Variants in POTEC observed in about 807,000 individuals in gnomAD.
The protein encoded by POTEC is ANKRD26-like family B member 2.
Under a neutral mutation model 62.0 loss-of-function variants are expected in POTEC, and 35 were observed. That is an observed-to-expected ratio of 0.56 (90% CI 0.43 to 0.75). The LOEUF (loss-of-function observed/expected upper bound fraction) is 0.75. Among genes scored for constraint, POTEC ranks in the 30% least tolerant of loss-of-function variants. The probability of loss-of-function intolerance (pLI) is 0.00; values close to 1 mark genes in which losing one functional copy is unlikely to be tolerated. For missense variants in POTEC, 472 were observed against 655.9 expected (o/e 0.72, Z 3.06); for synonymous variants, 156 against 221.5 (o/e 0.70, Z 2.62).
intron 6 of POTEC, among the ~76,000 whole-genome samples, chr18:14,526,628 G>A (rs1321682958): frequency 1.3e-5 from 2 of 152,016 alleles, no homozygotes; most frequent in Non-Finnish European, 2.9e-5. Flanking sequence ...GAGCAGGAGC[G>A]AGGCCTGAAA....
At position 14,511,191 on chromosome 18, in the gene POTEC, T is replaced by C. The variant is rs1909996616; in HGVS notation, c.*707A>G. 1 of 152,448 alleles carries C rather than the reference T, an allele frequency of 6.6e-6. No homozygotes were observed. Among genetic ancestry groups the C allele is most frequent in the Non-Finnish European group, 1.5e-5 (1 of 68,832 alleles). The allele number at this position is 152,448 out of a possible 1,614,324, so 9.4% of individuals were successfully genotyped here. On this transcript the variant is annotated 3_prime_UTR_variant, in exon 11 of 11. Coordinates refer to ENST00000358970, the MANE Select transcript of POTEC (RefSeq NM_001137671.2). ...AACTCTGTCCCAGGAAGGTTTCAAA[T>C]CTCCATTGGCCAGGGAACACTGGTG...
intron 10 of POTEC, among the ~76,000 whole-genome samples, chr18:14,512,366 A>C (rs1007205035): frequency 9.2e-5 from 14 of 152,244 alleles, no homozygotes; most frequent in Non-Finnish European, 1.6e-4. Context: ...TAAGAGCCTT[A>C]GCTATGCGTA....
Position 14,538,132 on chromosome 18 carries a change from T to C in POTEC, c.636+3A>G. The C allele has an allele frequency of 6.2e-7, 1 of 1,605,736 alleles. No homozygotes were observed. The highest frequency in any genetic ancestry group is 8.5e-7 in the Non-Finnish European group (1 of 1,176,136). On this transcript the variant is annotated splice_donor_region_variant and intron_variant, in intron 2 of 10. Transcript: ENST00000358970. ...CACGCTGATATAGTTGACTACTGCA[T>C]ACCTTTATCAGAGCTGTCCTTTTTT... is the stretch of plus-strand genomic sequence containing the variant.
At chr18:14,530,654 A>G (rs1009480064) in intron 5 of POTEC, 101 bp from the exon 6 acceptor site, 65 of 965,650 alleles carry the variant, frequency 6.7e-5, no homozygotes, top group Middle Eastern at 3.7e-4. Flanking sequence ...CAATATCATA[A>G]TATCAGAATT....
chr18:14,538,090 T>C (rs1905809102), intron 2 of POTEC, 45 bp downstream of exon 2: 2 of 1,485,288 alleles, frequency 1.3e-6, no homozygotes, highest in South Asian at 1.4e-5. Context: ...TGCTATCTAT[T>C]GAAATCAAAC....
chr18:14,538,475 G>C (rs1051978245), intron 1 of POTEC, among the ~76,000 whole-genome samples: 3 of 152,096 alleles, frequency 2.0e-5, no homozygotes, highest in Non-Finnish European at 2.9e-5. Flanking sequence ...CATTCAACTT[G>C]GGCTGGAATC....
At chr18:14,532,941 T>C in intron 5 of POTEC, 120 bp downstream of exon 5, 1 of 1,587,626 alleles carries the variant, frequency 6.3e-7, no homozygotes, top group Non-Finnish European at 8.6e-7. Context: ...ACTAACTCAC[T>C]GCCAATCTAA....
Position 14,507,426 on chromosome 18 carries a change from T to C in POTEC, c.*4472A>G, listed in dbSNP as rs1264535036. ...CTGCTTTTTTCTGTTTTCCATTTCC[T>C]TGAAATATTTTTCTCCATTCCTTTA... On this transcript the variant is annotated 3_prime_UTR_variant, in exon 11 of 11. Transcript: ENST00000358970. 6.6e-6 allele frequency: 1 copy of C among 151,974 alleles called. No homozygotes were observed. Among genetic ancestry groups the C allele is most frequent in the Non-Finnish European group, 1.5e-5 (1 of 68,006 alleles). The allele number at this position is 151,974 out of a possible 1,614,324, so 9.4% of individuals were successfully genotyped here. A position where few individuals can be genotyped will look rare whatever the true frequency, so the allele number is the denominator to read the frequency against.
rs1910403637 is a variant in POTEC, at chr18:14,525,099, T to G, written c.1127-116A>C. ...TTATTTTATTTCATAAATTGAGTGT[T>G]TAGTCTTTCATGAAATAGTTACTTA... On this transcript the variant is annotated intron_variant, in intron 6 of 10. Transcript: ENST00000358970. 3.4e-6 allele frequency: 5 copies of G among 1,457,390 alleles called. No individual in the cohort carries two copies. In the South Asian group the frequency reaches 3.9e-5, roughly 11 times the overall value. The allele number at this position is 1,457,390 out of a possible 1,614,324, so 90.3% of individuals were successfully genotyped here. A position where few individuals can be genotyped will look rare whatever the true frequency, so the allele number is the denominator to read the frequency against.
At chr18:14,528,980 C>G (rs1277790873) in intron 6 of POTEC, 1 of 454,314 alleles carries the variant, frequency 2.2e-6, no homozygotes, top group African/African-American at 2.0e-5. Context: ...ATTAGATGTT[C>G]TTCTGGCAAA....
chr18:14,524,843 G>T, intron 7 of POTEC, 70 bp downstream of exon 7: 1 of 1,531,616 alleles, frequency 6.5e-7, no homozygotes, highest in Non-Finnish European at 8.8e-7. Flanking sequence ...ATTTCATTTG[G>T]ACTATCTAAT....
chr18:14,536,034 G>A (rs1381407048), intron 3 of POTEC, among the ~76,000 whole-genome samples: 3 of 151,580 alleles, frequency 2.0e-5, no homozygotes, highest in Non-Finnish European at 4.4e-5. Context: ...TTGGGAGCCT[G>A]AGGTGGGTGA....
At chr18:14,528,156 T>C (rs1910486263) in intron 6 of POTEC, 1 of 152,206 alleles carries the variant, frequency 6.6e-6, no homozygotes, top group Non-Finnish European at 1.5e-5. Context: ...ATTTCCCACC[T>C]GGTCCTTTAC....
chr18:14,538,950 T>C (rs1905841094), intron 1 of POTEC, among the ~76,000 whole-genome samples: 1 of 152,138 alleles, frequency 6.6e-6, no homozygotes, highest in African/African-American at 2.4e-5. Flanking sequence ...GAATATGTTA[T>C]AATATAACAG....
Position 14,522,997 on chromosome 18 carries a change from AC to A in POTEC, c.1242+465del, listed in dbSNP as rs1910349161. Among the ~76,000 whole-genome samples, 3 of 151,202 alleles carry A rather than the reference AC, an allele frequency of 2.0e-5. 1 individual carries two copies. In the South Asian group the frequency reaches 6.3e-4, roughly 32 times the overall value. On this transcript the variant is annotated intron_variant, in intron 8 of 10. Transcript: ENST00000358970. ...TGATGGTGCTCACTGAAACATGAAAACCAAAGTTTGCCACAACACAAGGAGC... is the reference window on the plus strand; with the variant it reads ...TGATGGTGCTCACTGAAACATGAAAACAAAGTTTGCCACAACACAAGGAGC...
rs201827054 is a variant in POTEC, at chr18:14,516,865, T to A, written c.1410-3080A>T. 8.0e-4 allele frequency among the ~76,000 whole-genome samples: 120 copies of A among 150,940 alleles called. 1 individual carries two copies. The highest frequency in any genetic ancestry group is 3.5e-3 in the East Asian group (17 of 4,910). On this transcript the variant is annotated intron_variant, in intron 9 of 10. Transcript: ENST00000358970. ...GTAATTACTTTTAAATGAGGTAAAGTTGTATAAGAATATCACCGTTATTGT... is the reference window on the plus strand; with the variant it reads ...GTAATTACTTTTAAATGAGGTAAAGATGTATAAGAATATCACCGTTATTGT...
At chr18:14,519,303 C>T (rs1274668892) in intron 9 of POTEC, among the ~76,000 whole-genome samples, 1 of 152,102 alleles carries the variant, frequency 6.6e-6, no homozygotes, top group African/African-American at 2.4e-5. Context: ...GTGTGTGATA[C>T]CCAATAACTA....
At chr18:14,539,382 A>G (rs1444327982) in intron 1 of POTEC, among the ~76,000 whole-genome samples, 1 of 149,744 alleles carries the variant, frequency 6.7e-6, no homozygotes, top group Non-Finnish European at 1.5e-5. Context: ...CCCAGGTGTT[A>G]AGCCTAGTAC....
chr18:14,526,104 TG>T (rs1296259627), intron 6 of POTEC, among the ~76,000 whole-genome samples: 1 of 151,912 alleles, frequency 6.6e-6, no homozygotes, highest in African/African-American at 2.4e-5. Flanking sequence ...GTTTCACCAT[TG>T]GCCAGGATGG....
Sources: gnomAD v4.1 joint callset for allele counts (sites outside exome capture counted in the v4.1 genomes callset) on GRCh38, gnomAD v4.1.1 for gene constraint, MANE v1.5 for transcripts, NCBI Gene and HGNC (gene_info 2026-07-23, HGNC 2026-07-21) for gene names.